The following PARD3B variants were observed in gnomAD, a reference collection of about 807,000 sequenced individuals.
PARD3B encodes the protein par-3 family cell polarity regulator beta, also known as partitioning defective 3 homolog B.
In PARD3B, 103 loss-of-function variants were observed where a neutral mutation model predicts 130.2. The observed-to-expected ratio is 0.79, with a 90% CI of 0.67 to 0.93. The LOEUF is 0.93. Ranked by LOEUF, PARD3B falls within the 40% of genes least tolerant of loss-of-function variation. The pLI, the probability that PARD3B is intolerant of heterozygous loss-of-function variation, is 0.00. For synonymous variants in PARD3B, 583 were observed against 553.2 expected (o/e 1.05, Z -0.76); for missense variants, 1,609 against 1,499.2 (o/e 1.07, Z -1.21).
chr2:205,312,398 T>G (rs956133479), intron 18 of PARD3B, among the ~76,000 whole-genome samples: 2 of 152,198 alleles, frequency 1.3e-5, no homozygotes, highest in African/African-American at 4.8e-5. Context: ...AGTTCTTAAT[T>G]CAACTTCAAG....
chr2:205,154,797 C>T (rs2034003389), intron 10 of PARD3B, among the ~76,000 whole-genome samples: 1 of 152,108 alleles, frequency 6.6e-6, no homozygotes, highest in Non-Finnish European at 1.5e-5. Flanking sequence ...ATCGCAAGGA[C>T]AGAAAACCAC....
chr2:205,282,672 T>G (rs1161964311), intron 16 of PARD3B, among the ~76,000 whole-genome samples: 2 of 152,098 alleles, frequency 1.3e-5, no homozygotes. Flanking sequence ...CTTTCAGTTT[T>G]ATAAAAATGG....
At position 205,440,543 on chromosome 2, in the gene PARD3B, C is replaced by T; in HGVS notation, c.2915C>T (p.Pro972Leu). The T allele has an allele frequency of 6.2e-7, 1 of 1,614,084 alleles. No individual in the cohort carries two copies. Among genetic ancestry groups the T allele is most frequent in the South Asian group, 1.1e-5 (1 of 91,072 alleles). Reference sequence around the variant, plus strand: ...ACATCAGCAAATGTCTTTAGATCTCCATCTCCCCCTCGAGCTGGACCATTT... The same window carrying T: ...ACATCAGCAAATGTCTTTAGATCTCTATCTCCCCCTCGAGCTGGACCATTT... ...PCTSANVFRSPSPPRAGPFGY... is the reference protein window; with the variant it reads ...PCTSANVFRSLSPPRAGPFGY... The change falls in exon 20 of 23, where the codon CCA becomes CTA. Residue 972 changes from proline to leucine, a missense_variant. Pro to Leu is a moderately conservative substitution (Grantham distance 98). Coordinates refer to ENST00000406610, the MANE Select transcript of PARD3B (RefSeq NM_001302769.2). This position sits in a 1 kb window ranked among gnomAD's most constrained non-coding sequence, Gnocchi z 4.2.
intron 2 of PARD3B, among the ~76,000 whole-genome samples, chr2:204,805,905 A>C (rs1488509732): frequency 6.6e-6 from 1 of 152,174 alleles, no homozygotes; most frequent in Non-Finnish European, 1.5e-5. Flanking sequence ...TGTAGAAGGA[A>C]CATACCTCAA....
intron 22 of PARD3B, among the ~76,000 whole-genome samples, chr2:205,588,939 G>T (rs1189814744): frequency 6.6e-6 from 1 of 152,124 alleles, no homozygotes; most frequent in Non-Finnish European, 1.5e-5. Flanking sequence ...GCTTTGTGCT[G>T]CTCCTTAGAA....
intron 6 of PARD3B, among the ~76,000 whole-genome samples, chr2:205,114,559 C>G (rs1057027711): frequency 6.6e-6 from 1 of 152,072 alleles, no homozygotes; most frequent in African/African-American, 2.4e-5. Context: ...ATCCAGCTCT[C>G]CTAACTTCTC....
rs561247214 is a variant in PARD3B at position 205,185,437 on chromosome 2, T to C, written c.1925-327T>C. Among the ~76,000 whole-genome samples the C allele has an allele frequency of 2.0e-5, 3 of 152,332 alleles. 1 individual carries two copies. The South Asian group carries it at 6.2e-4, about 32-fold the overall frequency. ...CAAAAATATTAAGGCATAAAACAGA[T>C]GACTTTGTTAATCTTCCACAAATCA... On this transcript the variant is annotated intron_variant, in intron 13 of 22. Transcript: ENST00000406610.
intron 2 of PARD3B, among the ~76,000 whole-genome samples, chr2:204,932,787 A>G (rs17457577): frequency 0.03 from 4,612 of 152,246 alleles, 95 homozygotes; most frequent in Middle Eastern, 0.061. Context: ...CTTGACCCCA[A>G]AGAACTGTGG....
chr2:205,068,983 C>T (rs1285800678), intron 4 of PARD3B, among the ~76,000 whole-genome samples: 1 of 151,856 alleles, frequency 6.6e-6, no homozygotes, highest in Non-Finnish European at 1.5e-5. Context: ...AAACATGTCT[C>T]CTACTTTTTG....
intron 2 of PARD3B, among the ~76,000 whole-genome samples, chr2:204,902,278 C>T (rs10804145): frequency 0.7 from 106,844 of 152,062 alleles, 38,041 homozygotes; most frequent in African/African-American, 0.82. Context: ...TCTCTACTCA[C>T]GATTTTAGGG....
At position 205,568,555 on chromosome 2, in the gene PARD3B, T is replaced by C. The variant is rs1464050153; in HGVS notation, c.3260+15152T>C. On this transcript the variant is annotated intron_variant, in intron 22 of 22. Coordinates refer to ENST00000406610, the MANE Select transcript of PARD3B (RefSeq NM_001302769.2). The surrounding 1 kb of genome is among the most constrained non-coding windows in gnomAD (Gnocchi z 5.3). Reference sequence around the variant, plus strand: ...CCTCTGGAAAAATTAAACTTGGTACTGAGTTGCCTGACTCAAAAATGCCCA... The same window carrying C: ...CCTCTGGAAAAATTAAACTTGGTACCGAGTTGCCTGACTCAAAAATGCCCA... 1.3e-5 allele frequency among the ~76,000 whole-genome samples: 2 copies of C among 152,218 alleles called. No individual in the cohort carries two copies. The highest frequency in any genetic ancestry group is 2.9e-5 in the Non-Finnish European group (2 of 68,028).
At chr2:205,310,586 T>G (rs2042345864) in intron 18 of PARD3B, among the ~76,000 whole-genome samples, 1 of 152,128 alleles carries the variant, frequency 6.6e-6, no homozygotes, top group Non-Finnish European at 1.5e-5. Flanking sequence ...TGAGGTCATA[T>G]GGTATTTGTC....
At chr2:205,384,977 C>A (rs1394113442) in intron 18 of PARD3B, among the ~76,000 whole-genome samples, 2 of 151,902 alleles carry the variant, frequency 1.3e-5, no homozygotes, top group Admixed American at 6.6e-5. Flanking sequence ...AAATATTGAA[C>A]CTTTTTTTTT....
At chr2:204,977,424 C>T (rs757126060) in intron 3 of PARD3B, among the ~76,000 whole-genome samples, 5 of 152,220 alleles carry the variant, frequency 3.3e-5, no homozygotes, top group East Asian at 3.9e-4. Context: ...CAACAGGAAA[C>T]GGCATACTCA....
chr2:205,152,137 G>C (rs888377283), intron 10 of PARD3B, among the ~76,000 whole-genome samples: 1 of 152,212 alleles, frequency 6.6e-6, no homozygotes, highest in Admixed American at 6.5e-5. Flanking sequence ...TCAGCTGTTA[G>C]TCTGATGGGC....
At chr2:204,903,853 A>T (rs2125710605) in intron 2 of PARD3B, among the ~76,000 whole-genome samples, 1 of 152,340 alleles carries the variant, frequency 6.6e-6, no homozygotes, top group South Asian at 2.1e-4. Context: ...CAGTTTCTAT[A>T]GAACCTTCTT....
chr2:204,615,961 T>C (rs892535586), intron 1 of PARD3B, among the ~76,000 whole-genome samples: 4 of 152,166 alleles, frequency 2.6e-5, no homozygotes, highest in African/African-American at 9.7e-5. Context: ...CTTTTTAAAC[T>C]ACAGGTATTG....
rs747947846 is a variant in PARD3B, at chr2:205,463,305, G to A, written c.3044+22633G>A. ...CACTCAGTTAGGGGAACTCAGCTGAGGTGAGGAACACGTCCACGAGTTTCC... is the reference window on the plus strand; with the variant it reads ...CACTCAGTTAGGGGAACTCAGCTGAAGTGAGGAACACGTCCACGAGTTTCC... On this transcript the variant is annotated intron_variant, in intron 20 of 22. Transcript: ENST00000406610. This position sits in a 1 kb window ranked among gnomAD's most constrained non-coding sequence, Gnocchi z 4.8. Among the ~76,000 whole-genome samples the A allele has an allele frequency of 3.3e-4, 50 of 152,146 alleles. No individual in the cohort carries two copies. Among genetic ancestry groups the A allele is most frequent in the Admixed American group, 1.8e-3 (28 of 15,278 alleles).
intron 11 of PARD3B, among the ~76,000 whole-genome samples, chr2:205,162,745 A>C (rs2034575847): frequency 6.6e-6 from 1 of 152,182 alleles, no homozygotes; most frequent in Non-Finnish European, 1.5e-5. Flanking sequence ...AGTTAGAAAA[A>C]ATACCTTTCC....
Sources: allele counts gnomAD v4.1 joint callset (sites outside exome capture counted in the v4.1 genomes callset), GRCh38; gene constraint gnomAD v4.1.1; non-coding constraint Gnocchi (gnomAD v3.1); transcripts MANE v1.5; gene names NCBI Gene and HGNC (gene_info 2026-07-23, HGNC 2026-07-21).